MYRIP: variants seen among roughly 807,000 people sequenced by gnomAD.
MYRIP encodes myosin VIIA and Rab interacting protein.
MYRIP carries 49 observed loss-of-function variants against 98.0 expected under a neutral mutation model. The observed-to-expected ratio is 0.50, with a 90% CI of 0.40 to 0.63. The LOEUF (loss-of-function observed/expected upper bound fraction) is 0.63. MYRIP is among the 30% of genes least tolerant of loss of function. The pLI is 0.00. For synonymous variants in MYRIP, 404 were observed against 409.5 expected (o/e 0.99, Z 0.16); for missense variants, 1,004 against 1,058.2 (o/e 0.95, Z 0.71).
intron 3 of MYRIP, among the ~76,000 whole-genome samples, chr3:40,103,055 A>G (rs1265994234): frequency 6.6e-6 from 1 of 151,906 alleles, no homozygotes. Flanking sequence ...AGACACCTGC[A>G]GTATATCACC....
At chr3:39,961,474 T>C (rs1337783520) in intron 2 of MYRIP, among the ~76,000 whole-genome samples, 5 of 152,126 alleles carry the variant, frequency 3.3e-5, no homozygotes, top group Non-Finnish European at 7.4e-5. Flanking sequence ...CTGAATCACT[T>C]GCAGTTCCCA....
chr3:40,059,163 T>C (rs1460277160), intron 3 of MYRIP, among the ~76,000 whole-genome samples: 2 of 152,236 alleles, frequency 1.3e-5, no homozygotes, highest in Non-Finnish European at 2.9e-5. Flanking sequence ...GTGCCACATT[T>C]TCTTTATCCA....
intron 3 of MYRIP, among the ~76,000 whole-genome samples, chr3:40,067,826 A>G (rs1948152995): frequency 1.3e-5 from 2 of 152,148 alleles, no homozygotes; most frequent in African/African-American, 4.8e-5. Flanking sequence ...GTGAATAATC[A>G]CCCATGATCC....
intron 2 of MYRIP, among the ~76,000 whole-genome samples, chr3:39,995,680 A>C (rs1946329871): frequency 6.6e-6 from 1 of 152,188 alleles, no homozygotes; most frequent in African/African-American, 2.4e-5. Flanking sequence ...CAGGAAATAC[A>C]ATGAATGACG....
At chr3:39,930,464 T>A (rs1219095958) in intron 2 of MYRIP, among the ~76,000 whole-genome samples, 1 of 152,100 alleles carries the variant, frequency 6.6e-6, no homozygotes, top group Non-Finnish European at 1.5e-5. Context: ...ATATATATGA[T>A]TTGTGAGTAT....
intron 1 of MYRIP, among the ~76,000 whole-genome samples, chr3:39,890,636 AT>A (rs35017704): frequency 0.14 from 19,260 of 138,362 alleles, 1,252 homozygotes; most frequent in Middle Eastern, 0.18. Flanking sequence ...AGGTTAGCTG[AT>A]TTTTTTTTTT....
At chr3:40,058,922 A>G (rs1947941360) in intron 3 of MYRIP, among the ~76,000 whole-genome samples, 1 of 151,838 alleles carries the variant, frequency 6.6e-6, no homozygotes, top group Non-Finnish European at 1.5e-5. Context: ...TCCTAAGGCT[A>G]TCCCTCCCCT....
intron 1 of MYRIP, among the ~76,000 whole-genome samples, chr3:39,891,999 A>G (rs905605029): frequency 6.6e-6 from 1 of 152,044 alleles, no homozygotes; most frequent in Non-Finnish European, 1.5e-5. Context: ...TATATAGACA[A>G]ATACATCTCT....
intron 2 of MYRIP, among the ~76,000 whole-genome samples, chr3:39,948,320 A>T (rs557023855): frequency 6.6e-6 from 1 of 152,292 alleles, no homozygotes; most frequent in South Asian, 2.1e-4. Flanking sequence ...TTTATATTTT[A>T]AAATTACTAA....
intron 1 of MYRIP, among the ~76,000 whole-genome samples, chr3:39,826,723 T>G (rs1002259505): frequency 1.3e-5 from 2 of 152,214 alleles, no homozygotes; most frequent in Non-Finnish European, 1.5e-5. Flanking sequence ...TGTCTAATGC[T>G]GAGAGTGGGG....
chr3:40,243,420 T>G (rs558674014), intron 12 of MYRIP, among the ~76,000 whole-genome samples: 2 of 125,324 alleles, frequency 1.6e-5, no homozygotes, highest in Non-Finnish European at 3.4e-5. Flanking sequence ...AAAAAAAAAG[T>G]GCATGACTAG....
chr3:40,157,843 C>G (rs1950279861), intron 4 of MYRIP, among the ~76,000 whole-genome samples: 1 of 151,140 alleles, frequency 6.6e-6, no homozygotes, highest in Non-Finnish European at 1.5e-5. Flanking sequence ...GTGGTGATAT[C>G]CCCTTTATCA....
At chr3:40,218,609 A>ATT (rs370689146) in intron 11 of MYRIP, among the ~76,000 whole-genome samples, 2 of 127,426 alleles carry the variant, frequency 1.6e-5, no homozygotes, top group African/African-American at 7.2e-5. Context: ...ATATATATAT[A>ATT]TTTTATATAT....
Position 39,996,204 on chromosome 3 carries a change from G to A in MYRIP, c.111-47846G>A, listed in dbSNP as rs926260803. Among the ~76,000 whole-genome samples the A allele has an allele frequency of 3.9e-5, 6 of 152,106 alleles. No homozygotes were observed. The South Asian group carries it at 6.2e-4, about 16-fold the overall frequency. ...ACAATGTTAACCTTAAATGTAAATG[G>A]ACTAAATCCTCCAATTAAAAGACAC... is the stretch of plus-strand genomic sequence containing the variant. On this transcript the variant is annotated intron_variant, in intron 2 of 16. Transcript: ENST00000302541.
chr3:40,231,628 T>C (rs550629709), intron 11 of MYRIP, among the ~76,000 whole-genome samples: 82 of 152,326 alleles, frequency 5.4e-4, no homozygotes, highest in African/African-American at 1.9e-3. Flanking sequence ...GTATGTTCAG[T>C]TGGAGTCAGA....
intron 10 of MYRIP, among the ~76,000 whole-genome samples, chr3:40,200,130 T>TTTTTTTTTTTTTTTTTGAGACGGAGTC (rs1553626078): frequency 2.0e-5 from 3 of 150,228 alleles, no homozygotes; most frequent in Non-Finnish European, 4.4e-5. Context: ...CATTTTCTTT[T>TTTTTTTTTTTTTTTTTGAGACGGAGTC]TATCATAGGC....
intron 1 of MYRIP, among the ~76,000 whole-genome samples, chr3:39,881,649 G>C (rs1359502482): frequency 2.0e-5 from 3 of 152,084 alleles, no homozygotes; most frequent in African/African-American, 7.2e-5. Flanking sequence ...TAAATCCAGA[G>C]CCTCTCTAGC....
chr3:40,128,613 G>T (rs1949571005), intron 3 of MYRIP, among the ~76,000 whole-genome samples: 4 of 152,182 alleles, frequency 2.6e-5, no homozygotes, highest in Non-Finnish European at 5.9e-5. Flanking sequence ...GGCGACACCT[G>T]GATTCCCCAG....
At chr3:40,014,303 A>C (rs1946817676) in intron 2 of MYRIP, among the ~76,000 whole-genome samples, 1 of 152,232 alleles carries the variant, frequency 6.6e-6, no homozygotes, top group Admixed American at 6.5e-5. Flanking sequence ...AAATCTTAAG[A>C]AATAATAAGG....
Sources: gnomAD v4.1 joint callset for allele counts (sites outside exome capture counted in the v4.1 genomes callset) on GRCh38, gnomAD v4.1.1 for gene constraint, MANE v1.5 for transcripts, NCBI Gene and HGNC (gene_info 2026-07-23, HGNC 2026-07-21) for gene names.